EPHB2: variants seen among roughly 807,000 people sequenced by gnomAD.
EPHB2 encodes the protein ephrin type-B receptor 2.
A neutral mutation model predicts 96.4 loss-of-function variants in EPHB2; 18 were observed. The observed-to-expected ratio is 0.19, with a 90% CI of 0.13 to 0.28. The LOEUF is 0.28. Ranked by LOEUF, EPHB2 falls within the 10% of genes least tolerant of loss-of-function variation. The probability of loss-of-function intolerance (pLI) is 1.00; values close to 1 mark genes in which losing one functional copy is unlikely to be tolerated. For synonymous variants in EPHB2, 506 were observed against 534.1 expected (o/e 0.95, Z 0.72); for missense variants, 989 against 1,355.4 (o/e 0.73, Z 4.25).
intron 1 of EPHB2, among the ~76,000 whole-genome samples, chr1:22,749,714 C>T (rs529590215): frequency 6.4e-4 from 98 of 152,244 alleles, no homozygotes; most frequent in African/African-American, 1.9e-3. Context: ...TTATGTCTAC[C>T]GGAGCCATTC....
chr1:22,812,109 TCTGAGCCCCCAGA>T (rs1362219222), intron 3 of EPHB2, among the ~76,000 whole-genome samples: 2 of 152,230 alleles, frequency 1.3e-5, no homozygotes, highest in Non-Finnish European at 2.9e-5. Flanking sequence ...AGTTCACTTC[TCTGAGCCCCCAGA>T]TATTTGTTGT....
intron 3 of EPHB2, among the ~76,000 whole-genome samples, chr1:22,803,926 A>G (rs910781931): frequency 2.0e-5 from 3 of 151,946 alleles, no homozygotes; most frequent in South Asian, 2.1e-4. Context: ...GAGAAAAAAA[A>G]AAAGTGTTTA....
intron 1 of EPHB2, among the ~76,000 whole-genome samples, chr1:22,727,212 G>T (rs1031194106): frequency 6.6e-6 from 1 of 152,236 alleles, no homozygotes; most frequent in Admixed American, 6.5e-5. Context: ...GGCTATATGG[G>T]CCTAGCCTCC....
chr1:22,755,754 A>AT (rs1644139334), intron 1 of EPHB2, among the ~76,000 whole-genome samples: 1 of 152,220 alleles, frequency 6.6e-6, no homozygotes, highest in Admixed American at 6.5e-5. Flanking sequence ...ATATTCATAA[A>AT]TTACTACATG....
chr1:22,729,720 T>G (rs1643663456), intron 1 of EPHB2, among the ~76,000 whole-genome samples: 1 of 152,238 alleles, frequency 6.6e-6, no homozygotes, highest in Admixed American at 6.5e-5. Flanking sequence ...AATCTTTTGC[T>G]GCATTTGTCA....
At chr1:22,838,571 A>T (rs942720373) in intron 3 of EPHB2, among the ~76,000 whole-genome samples, 1 of 152,168 alleles carries the variant, frequency 6.6e-6, no homozygotes, top group Admixed American at 6.6e-5. Flanking sequence ...CCTTCCATGC[A>T]CCAGGCCCTG....
At position 22,909,110 on chromosome 1, in the gene EPHB2, T is replaced by C. The variant is rs1278019324; in HGVS notation, c.2441T>C (p.Ile814Thr). ...TSASDVWSYG[I>T]VMWEVMSYGE... The stretch of plus-strand genomic sequence containing the variant: ...GCCAGTGATGTGTGGAGCTACGGCA[T>C]TGTCATGTGGGAGGTGATGTCCTAT... Residue 814 changes from isoleucine (I) to threonine (T), a missense_variant, in exon 13 of 16, where the codon ATT (isoleucine) becomes ACT (threonine). Ile to Thr is a moderately conservative substitution (Grantham distance 89, BLOSUM62 -1). Transcript: ENST00000374630. 1.2e-6 allele frequency: 2 copies of C among 1,614,198 alleles called. No homozygotes were observed. The highest frequency in any genetic ancestry group is 2.2e-5 in the South Asian group (2 of 91,076).
chr1:22,779,817 T>C (rs149376383), intron 1 of EPHB2, among the ~76,000 whole-genome samples: 2 of 152,318 alleles, frequency 1.3e-5, no homozygotes, highest in African/African-American at 4.8e-5. Context: ...CCTGGAACAC[T>C]GTGGCAAGAA....
chr1:22,848,648 G>A (rs1368885507), intron 3 of EPHB2, among the ~76,000 whole-genome samples: 1 of 152,216 alleles, frequency 6.6e-6, no homozygotes, highest in African/African-American at 2.4e-5. Context: ...GTCAACAGGA[G>A]GAAGGTGACG....
intron 1 of EPHB2, among the ~76,000 whole-genome samples, chr1:22,725,051 T>C (rs896773131): frequency 6.6e-6 from 1 of 152,182 alleles, no homozygotes; most frequent in Non-Finnish European, 1.5e-5. Context: ...TGGTGGCATC[T>C]GTGTCCTTGG....
chr1:22,713,157 G>A (rs1243176934), intron 1 of EPHB2, among the ~76,000 whole-genome samples: 2 of 152,152 alleles, frequency 1.3e-5, no homozygotes, highest in Non-Finnish European at 2.9e-5. Flanking sequence ...CAGGGTGGGA[G>A]GAGGGCTGCA....
At chr1:22,825,502 T>C (rs1417923561) in intron 3 of EPHB2, among the ~76,000 whole-genome samples, 1 of 152,226 alleles carries the variant, frequency 6.6e-6, no homozygotes, top group East Asian at 1.9e-4. Context: ...CTAGCTTTGC[T>C]GCTACCTTCA....
chr1:22,732,304 G>A (rs1184001229), intron 1 of EPHB2, among the ~76,000 whole-genome samples: 1 of 151,882 alleles, frequency 6.6e-6, no homozygotes. Context: ...AGAGCTGCGG[G>A]GGCCTGGGAA....
intron 1 of EPHB2, among the ~76,000 whole-genome samples, chr1:22,771,907 A>T (rs570475048): frequency 3.3e-5 from 5 of 152,144 alleles, no homozygotes; most frequent in African/African-American, 1.2e-4. Context: ...CTGATTTACT[A>T]TGTGGCCTTG....
chr1:22,764,819 G>C (rs1644284407), intron 1 of EPHB2, among the ~76,000 whole-genome samples: 1 of 152,152 alleles, frequency 6.6e-6, no homozygotes, highest in South Asian at 2.1e-4. Context: ...CCATTTCCCT[G>C]GTGTTTGGAC....
chr1:22,748,917 C>T (rs1241334820), intron 1 of EPHB2, among the ~76,000 whole-genome samples: 1 of 150,528 alleles, frequency 6.6e-6, no homozygotes, highest in Non-Finnish European at 1.5e-5. Flanking sequence ...TAGAATGTAT[C>T]GCATTTTATG....
At chr1:22,738,605 T>G (rs537435467) in intron 1 of EPHB2, among the ~76,000 whole-genome samples, 1 of 152,234 alleles carries the variant, frequency 6.6e-6, no homozygotes, top group Non-Finnish European at 1.5e-5. Context: ...GCTTTCCTGT[T>G]CTAGGGCCAT....
At chr1:22,841,784 A>C (rs1645473070) in intron 3 of EPHB2, among the ~76,000 whole-genome samples, 1 of 152,196 alleles carries the variant, frequency 6.6e-6, no homozygotes, top group African/African-American at 2.4e-5. Flanking sequence ...ACAGTGCCGG[A>C]AGTGTCCATC....
chr1:22,857,075 A>G (rs921590903), intron 3 of EPHB2, among the ~76,000 whole-genome samples: 2 of 152,196 alleles, frequency 1.3e-5, no homozygotes, highest in African/African-American at 4.8e-5. Flanking sequence ...AGGTTCACCA[A>G]CCAGTGGGCA....
Sources: allele counts gnomAD v4.1 joint callset (sites outside exome capture counted in the v4.1 genomes callset), GRCh38; gene constraint gnomAD v4.1.1; transcripts MANE v1.5; gene names NCBI Gene and HGNC (gene_info 2026-07-23, HGNC 2026-07-21).